GLDC: variants seen among roughly 807,000 people sequenced by gnomAD.
GLDC encodes the protein glycine dehydrogenase (decarboxylating), mitochondrial.
A neutral mutation model predicts 121.3 loss-of-function variants in GLDC; 104 were observed. That is an observed-to-expected ratio of 0.86 (90% CI 0.73 to 1.01). The LOEUF (loss-of-function observed/expected upper bound fraction) is 1.01. Ranked by LOEUF, GLDC falls within the 50% of genes least tolerant of loss-of-function variation. The pLI is 0.00. For synonymous variants in GLDC, 546 were observed against 480.6 expected (o/e 1.14, Z -1.78); for missense variants, 1,429 against 1,306.6 (o/e 1.09, Z -1.44).
In GLDC at chr9:6,533,134, G is replaced by A. The variant is rs1270215089; in HGVS notation, c.2946C>T (p.Phe982=). Residue 982 remains phenylalanine (F), a synonymous_variant, in exon 25 of 25, where the codon TTC becomes TTT. Transcript: ENST00000321612. ...PLPFVKPENK[F]WPTIARIDDI... ...CATCAATCCGGGCAATCGTTGGCCA[G>A]AATTTGTTCTCTGGTTTCACGAAGG... 1 of 1,613,312 alleles carries A rather than the reference G, an allele frequency of 6.2e-7. No individual in the cohort carries two copies. Among genetic ancestry groups the A allele is most frequent in the Non-Finnish European group, 8.5e-7 (1 of 1,179,356 alleles).
rs547648827 is a variant in GLDC at position 6,631,421 on chromosome 9, G to T, written c.335-11102C>A. 3.3e-5 allele frequency among the ~76,000 whole-genome samples: 5 copies of T among 152,300 alleles called. No homozygotes were observed. In the East Asian group the frequency reaches 9.6e-4, roughly 29 times the overall value. ...GCAAAACCAAAACAACATTCACTGTGGGGAGTGGGACAAGGGATGATATGT... is the reference window on the plus strand; with the variant it reads ...GCAAAACCAAAACAACATTCACTGTTGGGAGTGGGACAAGGGATGATATGT... On this transcript the variant is annotated intron_variant, in intron 2 of 24. Coordinates refer to ENST00000321612, the MANE Select transcript of GLDC (RefSeq NM_000170.3).
intron 5 of GLDC, among the ~76,000 whole-genome samples, 154 bp downstream of exon 5, chr9:6,606,438 G>A (rs1818735023): frequency 6.6e-6 from 1 of 152,056 alleles, no homozygotes; most frequent in South Asian, 2.1e-4. Flanking sequence ...AGAAGAAAGT[G>A]AGAGGTAAGG....
intron 21 of GLDC, among the ~76,000 whole-genome samples, chr9:6,546,949 G>A (rs186443559): frequency 3.3e-5 from 5 of 151,924 alleles, no homozygotes; most frequent in South Asian, 2.1e-4. Context: ...GTGACCAAGC[G>A]AGACTCTGTC....
chr9:6,613,101 T>C (rs1818895284), intron 3 of GLDC, among the ~76,000 whole-genome samples: 1 of 152,190 alleles, frequency 6.6e-6, no homozygotes, highest in East Asian at 1.9e-4. Flanking sequence ...TTATTGTATG[T>C]TCCAAATGTT....
At chr9:6,597,809 A>G (rs572743401) in intron 8 of GLDC, among the ~76,000 whole-genome samples, 1 of 151,934 alleles carries the variant, frequency 6.6e-6, no homozygotes, top group Non-Finnish European at 1.5e-5. Flanking sequence ...GGTAGCAGAC[A>G]CCTGTAGTCC....
At chr9:6,548,284 T>C (rs1427384988) in intron 21 of GLDC, among the ~76,000 whole-genome samples, 3 of 152,352 alleles carry the variant, frequency 2.0e-5, no homozygotes, top group South Asian at 4.1e-4. Context: ...TGAGCATATA[T>C]ACATTATTTA....
At chr9:6,591,541 C>A (rs989012849) in intron 11 of GLDC, among the ~76,000 whole-genome samples, 5 of 152,160 alleles carry the variant, frequency 3.3e-5, no homozygotes, top group Non-Finnish European at 7.4e-5. Flanking sequence ...AATGACATAA[C>A]CAAGATACAA....
At chr9:6,580,150 G>A (rs1255326834) in intron 15 of GLDC, among the ~76,000 whole-genome samples, 1 of 152,142 alleles carries the variant, frequency 6.6e-6, no homozygotes, top group Non-Finnish European at 1.5e-5. Context: ...TTCGTCTCAG[G>A]GTTTGTGGAT....
intron 16 of GLDC, among the ~76,000 whole-genome samples, chr9:6,560,561 G>T (rs974128557): frequency 6.6e-6 from 1 of 152,190 alleles, no homozygotes. Flanking sequence ...CACAGGTATT[G>T]CTAGTCTACA....
intron 2 of GLDC, among the ~76,000 whole-genome samples, chr9:6,634,498 G>C (rs1357461060): frequency 1.3e-5 from 2 of 151,858 alleles, no homozygotes; most frequent in African/African-American, 4.8e-5. Context: ...CACCGCACTT[G>C]AGCCTAGGTG....
At position 6,544,914 on chromosome 9, in the gene GLDC, A is replaced by G. The variant is rs554000407; in HGVS notation, c.2570-4768T>C. ...CGGTAGTTTGAGACCAGCCTGACCA[A>G]CAAGGAGAAACACTGTCTCTACTAA... On this transcript the variant is annotated intron_variant, in intron 21 of 24. Coordinates refer to ENST00000321612, the MANE Select transcript of GLDC (RefSeq NM_000170.3). Among the ~76,000 whole-genome samples, 23 of 152,240 alleles carry G rather than the reference A, an allele frequency of 1.5e-4. No individual in the cohort carries two copies. In the South Asian group the frequency reaches 4.8e-3, roughly 32 times the overall value.
At chr9:6,631,207 C>T (rs1474667354) in intron 2 of GLDC, among the ~76,000 whole-genome samples, 1 of 152,224 alleles carries the variant, frequency 6.6e-6, no homozygotes, top group Non-Finnish European at 1.5e-5. Flanking sequence ...TACCACGCCT[C>T]ATTCAGTCCT....
intron 16 of GLDC, among the ~76,000 whole-genome samples, chr9:6,564,788 C>T (rs909018517): frequency 1.3e-5 from 2 of 152,204 alleles, no homozygotes; most frequent in African/African-American, 2.4e-5. Context: ...CCCCAAGAGG[C>T]GATTGGGATC....
In GLDC at chr9:6,592,152, C is replaced by G. The variant is rs761867336; in HGVS notation, c.1473G>C (p.Glu491Asp). 3.8e-6 allele frequency: 6 copies of G among 1,591,308 alleles called. No homozygotes were observed. Among genetic ancestry groups the G allele is most frequent in the Admixed American group, 1.7e-5 (1 of 59,972 alleles). ...TTTTTATTTTACTTACTGCAGATGACTCACAACCAAAGATCCACAACAAAT... is the reference window on the plus strand; with the variant it reads ...TTTTTATTTTACTTACTGCAGATGAGTCACAACCAAAGATCCACAACAAAT... ...LDDLLWIFGC[E>D]SSAELVAESM... Residue 491 changes from glutamate (E) to aspartate (D), a missense_variant, in exon 11 of 25, where the codon GAG (glutamate) becomes GAC (aspartate). Coordinates refer to ENST00000321612, the MANE Select transcript of GLDC (RefSeq NM_000170.3).
rs150365649 is a variant in GLDC at position 6,639,669 on chromosome 9, G to GTATATA, written c.334+4939_334+4944dup. 3.2e-3 allele frequency: 722 copies of GTATATA among 227,250 alleles called. 34 individuals carry two copies. The highest frequency in any genetic ancestry group is 0.02 in the African/African-American group (611 of 30,696). The allele number at this position is 227,250 out of a possible 1,614,324, so 14.1% of individuals were successfully genotyped here. On this transcript the variant is annotated intron_variant, in intron 2 of 24. Coordinates refer to ENST00000321612, the MANE Select transcript of GLDC (RefSeq NM_000170.3). ...TATATCTTTTCACCATAAAAAAAAA[G>GTATATA]TATATATATATATATATATGGACAA... is the stretch of plus-strand genomic sequence containing the variant.
At chr9:6,558,951 A>T (rs1037970834) in intron 16 of GLDC, among the ~76,000 whole-genome samples, 1 of 152,192 alleles carries the variant, frequency 6.6e-6, no homozygotes, top group African/African-American at 2.4e-5. Flanking sequence ...CCAGTACAAT[A>T]AAAATAGGCC....
chr9:6,563,999 A>G (rs1176373658), intron 16 of GLDC, among the ~76,000 whole-genome samples: 1 of 151,950 alleles, frequency 6.6e-6, no homozygotes, highest in Non-Finnish European at 1.5e-5. Flanking sequence ...TAATCCCAGC[A>G]CTTTGAGAGG....
chr9:6,588,301 C>T, intron 14 of GLDC, 100 bp downstream of exon 14: 1 of 846,662 alleles, frequency 1.2e-6, no homozygotes, highest in Non-Finnish European at 2.1e-6. Flanking sequence ...TCTTCAATCA[C>T]AGAATCACAG....
chr9:6,603,114 G>C (rs1169083349), intron 7 of GLDC, among the ~76,000 whole-genome samples: 1 of 151,916 alleles, frequency 6.6e-6, no homozygotes, highest in Non-Finnish European at 1.5e-5. Context: ...TGTAATCTCA[G>C]TTACTTGGGA....
Sources: gnomAD v4.1 joint callset for allele counts (sites outside exome capture counted in the v4.1 genomes callset) on GRCh38, gnomAD v4.1.1 for gene constraint, MANE v1.5 for transcripts, NCBI Gene and HGNC (gene_info 2026-07-23, HGNC 2026-07-21) for gene names.